Variants in TECPR2 observed in about 807,000 individuals in gnomAD.
The protein encoded by TECPR2 is tectonin beta-propeller repeat containing 2.
A neutral mutation model predicts 138.1 loss-of-function variants in TECPR2; 65 were observed. The ratio of observed to expected loss-of-function variants is 0.47; its 90% CI spans 0.39 to 0.58. TECPR2 has a LOEUF of 0.58. Among genes scored for constraint, TECPR2 ranks in the 20% least tolerant of loss-of-function variants. TECPR2 has a pLI of 0.00. For synonymous variants in TECPR2, 746 were observed against 749.8 expected (o/e 0.99, Z 0.08); for missense variants, 1,553 against 1,824.5 (o/e 0.85, Z 2.71).
At chr14:102,409,148 C>T (rs933622106) in intron 4 of TECPR2, among the ~76,000 whole-genome samples, 3 of 152,224 alleles carry the variant, frequency 2.0e-5, no homozygotes, top group Non-Finnish European at 4.4e-5. Context: ...TCTGCTTCGA[C>T]GCCCGTGCCT....
intron 13 of TECPR2, among the ~76,000 whole-genome samples, chr14:102,447,871 T>C (rs1202528294): frequency 6.6e-6 from 1 of 152,004 alleles, no homozygotes; most frequent in African/African-American, 2.4e-5. Context: ...CCCATTGGTT[T>C]ATGTTTTATT....
chr14:102,465,705 T>G (rs1378805313), intron 17 of TECPR2: 1 of 968,322 alleles, frequency 1.0e-6, no homozygotes, highest in Non-Finnish European at 1.2e-6. Context: ...GTGCCTCTCC[T>G]GGTTTGTTGA....
chr14:102,406,429 C>G (rs879260305), intron 2 of TECPR2, among the ~76,000 whole-genome samples: 46 of 152,098 alleles, frequency 3.0e-4, no homozygotes, highest in Non-Finnish European at 6.0e-4. Flanking sequence ...GCCTGTGGTC[C>G]CAGCTACTCA....
Position 102,498,631 on chromosome 14 carries a change from C to A in TECPR2, c.*374C>A. On this transcript the variant is annotated 3_prime_UTR_variant, in exon 20 of 20. Transcript: ENST00000359520. ...AAGGGTAGCCGGGCAGCTGGTTTGGCCCAGGGCCTCCTTCCACATTAGTAG... is the reference window on the plus strand; with the variant it reads ...AAGGGTAGCCGGGCAGCTGGTTTGGACCAGGGCCTCCTTCCACATTAGTAG... 2.5e-6 allele frequency: 1 copy of A among 406,856 alleles called. No individual in the cohort carries two copies. The highest frequency in any genetic ancestry group is 4.7e-6 in the Non-Finnish European group (1 of 213,914). The allele number at this position is 406,856 out of a possible 1,614,324, so 25.2% of individuals were successfully genotyped here.
Position 102,406,899 on chromosome 14 carries a change from G to A in TECPR2, c.220-439G>A, listed in dbSNP as rs576607202. 4.6e-5 allele frequency among the ~76,000 whole-genome samples: 7 copies of A among 152,106 alleles called. No individual in the cohort carries two copies. In the East Asian group the frequency reaches 7.7e-4, roughly 17 times the overall value. The stretch of plus-strand genomic sequence containing the variant: ...TTTTGAGACAGAGTCTTGCTCTGTC[G>A]CCCAGGCTGGATGCAATGGCACGAT... On this transcript the variant is annotated intron_variant, in intron 2 of 19. Transcript: ENST00000359520.
chr14:102,458,398 A>G (rs1890324262), intron 16 of TECPR2, among the ~76,000 whole-genome samples: 2 of 152,142 alleles, frequency 1.3e-5, no homozygotes, highest in Non-Finnish European at 2.9e-5. Context: ...GTCTTCCTCA[A>G]ACCCAGCTCA....
At chr14:102,437,092 G>A (rs530784224) in intron 9 of TECPR2, 2 of 985,364 alleles carry the variant, frequency 2.0e-6, no homozygotes, top group Non-Finnish European at 1.2e-6. Flanking sequence ...GTGGAAGTAA[G>A]ACTTGCCATG....
intron 12 of TECPR2, among the ~76,000 whole-genome samples, chr14:102,444,042 A>G (rs1034993344): frequency 3.3e-5 from 5 of 152,166 alleles, no homozygotes; most frequent in Admixed American, 2.6e-4. Context: ...CCCTCTGCGC[A>G]GCCCTGAGCA....
intron 17 of TECPR2, among the ~76,000 whole-genome samples, chr14:102,494,653 C>T (rs1053656086): frequency 1.3e-5 from 2 of 151,566 alleles, no homozygotes; most frequent in African/African-American, 4.9e-5. Context: ...GGAGAAACCC[C>T]GTCTCTACTA....
At chr14:102,446,236 T>G (rs1229910782) in intron 13 of TECPR2, among the ~76,000 whole-genome samples, 1 of 151,938 alleles carries the variant, frequency 6.6e-6, no homozygotes, top group Non-Finnish European at 1.5e-5. Context: ...CTGGCTAGTT[T>G]TTTGTATTTG....
intron 4 of TECPR2, among the ~76,000 whole-genome samples, chr14:102,409,969 T>G (rs955151210): frequency 6.6e-6 from 1 of 152,148 alleles, no homozygotes; most frequent in Non-Finnish European, 1.5e-5. Flanking sequence ...CACGTCTGAC[T>G]ACTTTTTTGT....
At chr14:102,449,059 C>T (rs1433618493) in intron 13 of TECPR2, among the ~76,000 whole-genome samples, 3 of 152,180 alleles carry the variant, frequency 2.0e-5, no homozygotes, top group Non-Finnish European at 2.9e-5. Flanking sequence ...CCCAGAAGTT[C>T]AAGACCAGCC....
chr14:102,418,718 G>T (rs932084702), intron 5 of TECPR2, among the ~76,000 whole-genome samples: 5 of 152,214 alleles, frequency 3.3e-5, no homozygotes, highest in African/African-American at 1.2e-4. Flanking sequence ...GGAGGGGGCA[G>T]GTGTGGCAGC....
intron 5 of TECPR2, among the ~76,000 whole-genome samples, chr14:102,422,016 G>C (rs762410513): frequency 6.6e-6 from 1 of 152,182 alleles, no homozygotes; most frequent in African/African-American, 2.4e-5. Flanking sequence ...CGAGAACTCA[G>C]ATTGCCAGTG....
At chr14:102,384,013 C>T (rs770140753) in intron 2 of TECPR2, among the ~76,000 whole-genome samples, 1 of 151,350 alleles carries the variant, frequency 6.6e-6, no homozygotes, top group Non-Finnish European at 1.5e-5. Context: ...CTCTGCCTCC[C>T]GATTCAAGCG....
At chr14:102,460,456 A>G (rs1890379391) in intron 16 of TECPR2, among the ~76,000 whole-genome samples, 3 of 151,498 alleles carry the variant, frequency 2.0e-5, no homozygotes, top group African/African-American at 4.9e-5. Flanking sequence ...TCTACTAACA[A>G]TACAAAAATT....
At chr14:102,464,493 A>C (rs555500512) in intron 16 of TECPR2, among the ~76,000 whole-genome samples, 2 of 152,066 alleles carry the variant, frequency 1.3e-5, no homozygotes, top group African/African-American at 4.8e-5. Context: ...CCTGGGCCCA[A>C]CCGATCTCAG....
chr14:102,365,835 T>C (rs1887333920), intron 1 of TECPR2, among the ~76,000 whole-genome samples: 1 of 152,140 alleles, frequency 6.6e-6, no homozygotes, highest in Non-Finnish European at 1.5e-5. Context: ...TTTCCATGCT[T>C]GTGTTAGGCT....
chr14:102,498,568 T>C lies in TECPR2; in HGVS notation c.*311T>C. 4.3e-6 allele frequency: 2 copies of C among 462,334 alleles called. No homozygotes were observed. The highest frequency in any genetic ancestry group is 4.0e-6 in the Non-Finnish European group (1 of 250,216). The allele number at this position is 462,334 out of a possible 1,614,324, so 28.6% of individuals were successfully genotyped here. ...TCTCATCCACAGATAGCTCCAGCTT[T>C]TGTTGGTGGGAGTGGTCTCCGGAGG... On this transcript the variant is annotated 3_prime_UTR_variant, in exon 20 of 20. Transcript: ENST00000359520.
Sources: allele counts gnomAD v4.1 joint callset (sites outside exome capture counted in the v4.1 genomes callset), GRCh38; gene constraint gnomAD v4.1.1; transcripts MANE v1.5; gene names NCBI Gene and HGNC (gene_info 2026-07-23, HGNC 2026-07-21).